Variants in F2R observed in about 807,000 individuals in gnomAD.
F2R encodes the protein proteinase-activated receptor 1.
F2R carries 12 observed loss-of-function variants against 18.3 expected under a neutral mutation model. That is an observed-to-expected ratio of 0.66 (90% confidence interval 0.42 to 1.06). The LOEUF (loss-of-function observed/expected upper bound fraction) is 1.06, where lower values mean the gene tolerates loss of function less well. F2R is among the 50% of genes least tolerant of loss of function. F2R has a pLI of 0.00. For synonymous variants in F2R, 210 were observed against 219.9 expected, an observed-to-expected ratio of 0.95 and a Z score of 0.40; for missense variants, 438 against 530.8, an observed-to-expected ratio of 0.83 and a Z score of 1.72.
At chr5:76,723,629 A>C (rs1748508063) in intron 1 of F2R, among the ~76,000 whole-genome samples, 1 of 152,268 alleles carries the variant, frequency 6.6e-6, no homozygotes, top group African/African-American at 2.4e-5. Flanking sequence ...AAGAGTTGAT[A>C]CCAAATAAAT....
chr5:76,735,638 C>T lies in F2R; in HGVS notation c.*2135C>T, dbSNP rs553660811. On this transcript the variant is annotated 3_prime_UTR_variant, in exon 2 of 2. Coordinates refer to ENST00000319211, the MANE Select transcript of F2R (RefSeq NM_001992.5). ...TTTTATCTAAATCAGTGAAGATTTA[C>T]TGTCATTGTTTATTAGTCTGTATAT... The T allele has an allele frequency of 6.6e-6, 1 of 152,212 alleles. No individual in the cohort carries two copies. Among genetic ancestry groups the T allele is most frequent in the South Asian group, 2.1e-4 (1 of 4,826 alleles). 9.4% of individuals were successfully genotyped at this position (152,212 alleles called of 1,614,324 possible). A position where few individuals can be genotyped will look rare whatever the true frequency, so the allele number is the denominator to read the frequency against.
intron 1 of F2R, among the ~76,000 whole-genome samples, chr5:76,718,856 A>G (rs1170054982): frequency 6.6e-6 from 1 of 152,210 alleles, no homozygotes. Context: ...TGACTATGAC[A>G]GAGAGAACTT....
intron 1 of F2R, 193 bp downstream of exon 1, chr5:76,716,588 A>G: frequency 1.4e-6 from 1 of 698,670 alleles, no homozygotes; most frequent in Non-Finnish European, 2.5e-6. Context: ...GGCCCAGCCG[A>G]TGCCCCTTTG....
At chr5:76,718,401 G>A (rs1172251223) in intron 1 of F2R, among the ~76,000 whole-genome samples, 3 of 152,214 alleles carry the variant, frequency 2.0e-5, no homozygotes, top group African/African-American at 7.2e-5. Context: ...GGGACTCTGA[G>A]GCATCCAACA....
chr5:76,718,370 C>T (rs144551063), intron 1 of F2R, among the ~76,000 whole-genome samples: 1 of 152,332 alleles, frequency 6.6e-6, no homozygotes, highest in African/African-American at 2.4e-5. Context: ...TAAGCATTGT[C>T]TGTCATAAGG....
Position 76,733,423 on chromosome 5 carries a change from A to G in F2R, c.1198A>G (p.Ser400Gly). 6.2e-7 allele frequency: 1 copy of G among 1,614,244 alleles called. No individual in the cohort carries two copies. The highest frequency in any genetic ancestry group is 8.5e-7 in the Non-Finnish European group (1 of 1,180,036). The change falls in exon 2 of 2, where the codon AGT becomes GGT. Residue 400 changes from serine to glycine, a missense_variant. Coordinates refer to ENST00000319211, the MANE Select transcript of F2R (RefSeq NM_001992.5). ...TTCCGATCCCAGCAGTTATAACAGC[A>G]GTGGGCAGTTGATGGCAAGTAAAAT... ...ESSDPSSYNS[S>G]GQLMASKMDT...
At chr5:76,730,822 G>A (rs961667587) in intron 1 of F2R, among the ~76,000 whole-genome samples, 2 of 152,068 alleles carry the variant, frequency 1.3e-5, no homozygotes, top group Non-Finnish European at 2.9e-5. Flanking sequence ...GCTCAGATTC[G>A]ATTAATTTGC....
intron 1 of F2R, among the ~76,000 whole-genome samples, chr5:76,722,948 A>AT (rs1367247249): frequency 1.1e-4 from 6 of 52,276 alleles, no homozygotes; most frequent in Non-Finnish European, 2.1e-4. Flanking sequence ...GAGACTCTGT[A>AT]TCAAAAAAAA....
At chr5:76,718,890 C>T (rs1748390517) in intron 1 of F2R, among the ~76,000 whole-genome samples, 1 of 152,136 alleles carries the variant, frequency 6.6e-6, no homozygotes, top group Admixed American at 6.5e-5. Flanking sequence ...ACTTGCTACC[C>T]TCCTACTCAC....
rs540591194 is a variant in F2R at position 76,732,532 on chromosome 5, C to A, written c.307C>A (p.Leu103Ile). 1 of 1,614,104 alleles carries A rather than the reference C, an allele frequency of 6.2e-7. No homozygotes were observed. Among genetic ancestry groups the A allele is most frequent in the African/African-American group, 1.3e-5 (1 of 74,934 alleles). Reference sequence around the variant, plus strand: ...ATATTTGACCAGCTCCTGGCTGACACTCTTTGTCCCATCTGTGTACACCGG... The same window carrying A: ...ATATTTGACCAGCTCCTGGCTGACAATCTTTGTCCCATCTGTGTACACCGG... ...SGYLTSSWLT[L>I]FVPSVYTGVF... Residue 103 changes from leucine (L) to isoleucine (I), a missense_variant, in exon 2 of 2, where the codon CTC becomes ATC. Physicochemically the swap from Leu to Ile is conservative, Grantham distance 5 (BLOSUM62 2). Coordinates refer to ENST00000319211, the MANE Select transcript of F2R (RefSeq NM_001992.5).
Position 76,732,480 on chromosome 5 carries a change from T to G in F2R, c.255T>G (p.Pro85=). 3 of 1,614,202 alleles carry G rather than the reference T, an allele frequency of 1.9e-6. No homozygotes were observed. The highest frequency in any genetic ancestry group is 2.5e-6 in the Non-Finnish European group (3 of 1,180,034). ...NKSSPLQKQL[P]AFISEDASGY... is the part of the protein sequence containing the mutation. The stretch of plus-strand genomic sequence containing the variant: ...GCAGTCCTCTTCAAAAACAACTTCC[T>G]GCATTCATCTCAGAAGATGCCTCCG... The change falls in exon 2 of 2, where the codon CCT becomes CCG. Residue 85 remains proline (P), a synonymous_variant. Coordinates refer to ENST00000319211, the MANE Select transcript of F2R (RefSeq NM_001992.5).
In F2R at chr5:76,732,844, C is replaced by G; in HGVS notation, c.619C>G (p.Pro207Ala). Residue 207 changes from proline to alanine, a missense_variant, in exon 2 of 2, where the codon CCC becomes GCC. Coordinates refer to ENST00000319211, the MANE Select transcript of F2R (RefSeq NM_001992.5). ...SIDRFLAVVY[P>A]MQSLSWRTLG... is the part of the protein sequence containing the mutation. ...TGACCGGTTTCTGGCTGTGGTGTAT[C>G]CCATGCAGTCCCTCTCCTGGCGTAC... 6.2e-7 allele frequency: 1 copy of G among 1,614,118 alleles called. No individual in the cohort carries two copies. Among genetic ancestry groups the G allele is most frequent in the South Asian group, 1.1e-5 (1 of 91,084 alleles).
chr5:76,722,495 C>T (rs967708910), intron 1 of F2R, among the ~76,000 whole-genome samples: 3 of 151,948 alleles, frequency 2.0e-5, no homozygotes, highest in East Asian at 1.9e-4. Flanking sequence ...CCTGCTGTGG[C>T]GTTGGGTACA....
At chr5:76,724,331 G>A (rs150020832) in intron 1 of F2R, among the ~76,000 whole-genome samples, 184 of 152,248 alleles carry the variant, frequency 1.2e-3, no homozygotes, top group African/African-American at 4.2e-3. Flanking sequence ...TCGGCTTCCC[G>A]AAGTGCTGGC....
rs1434231520 is a variant in F2R at position 76,735,482 on chromosome 5, AAAAT to A, written c.*1987_*1990del. 5.9e-5 allele frequency: 9 copies of A among 152,188 alleles called. No homozygotes were observed. The highest frequency in any genetic ancestry group is 3.3e-4 in the Admixed American group (5 of 15,278). 9.4% of individuals were successfully genotyped at this position (152,188 alleles called of 1,614,324 possible). A position where few individuals can be genotyped will look rare whatever the true frequency, so the allele number is the denominator to read the frequency against. ...GAGCAAGACTCCATCTCAAAAAATA[AAAAT>A]AAATAAAAAATAAAAAAATAAAAGA... On this transcript the variant is annotated 3_prime_UTR_variant, in exon 2 of 2. Coordinates refer to ENST00000319211, the MANE Select transcript of F2R (RefSeq NM_001992.5).
intron 1 of F2R, among the ~76,000 whole-genome samples, chr5:76,725,875 T>C (rs534489128): frequency 1.3e-5 from 2 of 152,356 alleles, no homozygotes; most frequent in South Asian, 4.1e-4. Context: ...AAGTACTAAA[T>C]ACAGAGTAAA....
intron 1 of F2R, among the ~76,000 whole-genome samples, chr5:76,721,434 A>G (rs954302712): frequency 6.6e-6 from 1 of 152,194 alleles, no homozygotes; most frequent in African/African-American, 2.4e-5. Context: ...TGGTACTTGG[A>G]GGAAGCCACT....
chr5:76,716,313 G>C lies in F2R; in HGVS notation c.6G>C (p.Gly2=). Residue 2 remains glycine, a synonymous_variant, in exon 1 of 2, where the codon GGG becomes GGC. Coordinates refer to ENST00000319211, the MANE Select transcript of F2R (RefSeq NM_001992.5). M[G]PRRLLLVAAC... is the part of the protein sequence containing the mutation. The stretch of plus-strand genomic sequence containing the variant: ...GCCGCGCAGAGCCCGGGACAATGGG[G>C]CCGCGGCGGCTGCTGCTGGTGGCCG... 2 of 1,409,808 alleles carry C rather than the reference G, an allele frequency of 1.4e-6. No individual in the cohort carries two copies. The highest frequency in any genetic ancestry group is 1.8e-6 in the Non-Finnish European group (2 of 1,084,586). The allele number at this position is 1,409,808 out of a possible 1,614,324, so 87.3% of individuals were successfully genotyped here. A position where few individuals can be genotyped will look rare whatever the true frequency, so the allele number is the denominator to read the frequency against.
chr5:76,717,699 C>A (rs552312398), intron 1 of F2R, among the ~76,000 whole-genome samples: 2 of 152,178 alleles, frequency 1.3e-5, no homozygotes, highest in South Asian at 4.1e-4. Context: ...GATATGATTT[C>A]ACATACCATT....
Sources: gnomAD v4.1 joint callset for allele counts (sites outside exome capture counted in the v4.1 genomes callset) on GRCh38, gnomAD v4.1.1 for gene constraint, MANE v1.5 for transcripts, NCBI Gene and HGNC (gene_info 2026-07-23, HGNC 2026-07-21) for gene names.